The following ZBTB20 variants were observed in gnomAD, a reference collection of about 807,000 sequenced individuals.
ZBTB20 encodes the protein zinc finger and BTB domain-containing protein 20.
ZBTB20 carries 9 observed loss-of-function variants against 56.9 expected under a neutral mutation model. The ratio of observed to expected loss-of-function variants is 0.16; its 90% CI spans 0.10 to 0.28. The LOEUF (loss-of-function observed/expected upper bound fraction) is 0.28. Ranked by LOEUF, ZBTB20 falls within the 10% of genes least tolerant of loss-of-function variation. ZBTB20 has a pLI of 1.00. For missense variants in ZBTB20, 655 were observed against 1,003.0 expected, an observed-to-expected ratio of 0.65 and a Z score of 4.69; for synonymous variants, 417 against 420.7, an observed-to-expected ratio of 0.99 and a Z score of 0.11.
At chr3:114,951,091 G>A (rs2077050983) in intron 3 of ZBTB20, among the ~76,000 whole-genome samples, 4 of 151,958 alleles carry the variant, frequency 2.6e-5, no homozygotes, top group African/African-American at 9.7e-5. Flanking sequence ...TATTGGTCTG[G>A]TGCTGCTTAC....
At chr3:114,418,463 A>C (rs902434031) in intron 7 of ZBTB20, among the ~76,000 whole-genome samples, 1 of 152,026 alleles carries the variant, frequency 6.6e-6, no homozygotes, top group Non-Finnish European at 1.5e-5. Flanking sequence ...CTTACACACA[A>C]TAGGCTCTCA....
intron 5 of ZBTB20, among the ~76,000 whole-genome samples, chr3:114,792,882 T>C (rs1011697522): frequency 6.7e-6 from 1 of 149,560 alleles, no homozygotes; most frequent in African/African-American, 2.4e-5. Flanking sequence ...TTTTCTTTTT[T>C]TTTTTTTTTT....
intron 7 of ZBTB20, among the ~76,000 whole-genome samples, chr3:114,414,744 A>T (rs1171502692): frequency 1.4e-5 from 2 of 147,872 alleles, no homozygotes; most frequent in African/African-American, 2.4e-5. Context: ...ATAATTATAA[A>T]ATATATAAAA....
intron 1 of ZBTB20, among the ~76,000 whole-genome samples, chr3:115,146,919 C>T (rs1380216869): frequency 1.3e-5 from 2 of 151,562 alleles, no homozygotes; most frequent in Non-Finnish European, 3.0e-5. Context: ...CCCGCGCCTC[C>T]CTCCCACCTC....
intron 5 of ZBTB20, among the ~76,000 whole-genome samples, chr3:114,800,225 A>G (rs2071614089): frequency 6.6e-6 from 1 of 151,976 alleles, no homozygotes; most frequent in Non-Finnish European, 1.5e-5. Flanking sequence ...CTTTCCTTGT[A>G]GTATTTCACA....
At chr3:114,712,840 T>C (rs910040750) in intron 5 of ZBTB20, among the ~76,000 whole-genome samples, 5 of 152,164 alleles carry the variant, frequency 3.3e-5, no homozygotes, top group Non-Finnish European at 7.4e-5. Context: ...ATCATGGTTA[T>C]AGTACTAATT....
chr3:114,569,858 T>G (rs1274508462), intron 6 of ZBTB20, among the ~76,000 whole-genome samples: 1 of 151,880 alleles, frequency 6.6e-6, no homozygotes, highest in Non-Finnish European at 1.5e-5. Context: ...TTTATTATTC[T>G]TGTCCATTCT....
At chr3:114,794,762 T>C (rs898493840) in intron 5 of ZBTB20, among the ~76,000 whole-genome samples, 7 of 152,066 alleles carry the variant, frequency 4.6e-5, no homozygotes, top group African/African-American at 1.7e-4. Flanking sequence ...ATGTTATTAA[T>C]GCATCATACT....
chr3:114,662,755 TG>T (rs2060814422), intron 6 of ZBTB20, among the ~76,000 whole-genome samples: 1 of 151,610 alleles, frequency 6.6e-6, no homozygotes, highest in Admixed American at 6.6e-5. Context: ...TGGGGTTGTT[TG>T]TTTTTTTCTT....
intron 6 of ZBTB20, chr3:114,599,383 T>C (rs1349987472): frequency 1.3e-5 from 2 of 152,256 alleles, no homozygotes; most frequent in Admixed American, 1.3e-4. Context: ...AAAGGTGATA[T>C]ACTTGGTGTG....
rs916465957 is a variant in ZBTB20, at chr3:114,471,594, A to G, written c.-255+28758T>C. On this transcript the variant is annotated intron_variant, in intron 7 of 11. Transcript: ENST00000675478. The stretch of plus-strand genomic sequence containing the variant: ...CATGTCACATTGAAAGTACAGCTAC[A>G]TCAGGGAGGTGGAGCGACTGAGAGA... 5.9e-5 allele frequency among the ~76,000 whole-genome samples: 9 copies of G among 152,314 alleles called. No individual in the cohort carries two copies. In the South Asian group the frequency reaches 6.2e-4, roughly 11 times the overall value.
At chr3:114,586,996 T>A (rs913430728) in intron 6 of ZBTB20, among the ~76,000 whole-genome samples, 1 of 137,898 alleles carries the variant, frequency 7.3e-6, no homozygotes, top group African/African-American at 2.7e-5. Flanking sequence ...TCCCTTTTTT[T>A]TTTTTTTTTT....
At chr3:114,531,130 TA>T (rs1281943465) in intron 6 of ZBTB20, among the ~76,000 whole-genome samples, 1 of 152,202 alleles carries the variant, frequency 6.6e-6, no homozygotes, top group African/African-American at 2.4e-5. Context: ...TAAGAAAATC[TA>T]AATATTTTGT....
chr3:114,789,816 G>C (rs1429190749), intron 5 of ZBTB20, among the ~76,000 whole-genome samples: 2 of 152,140 alleles, frequency 1.3e-5, no homozygotes, highest in African/African-American at 2.4e-5. Flanking sequence ...GAGGTGAGAA[G>C]AAGATAAACA....
chr3:115,098,688 T>C (rs1382316091), intron 1 of ZBTB20, among the ~76,000 whole-genome samples: 1 of 152,178 alleles, frequency 6.6e-6, no homozygotes. Flanking sequence ...CAAAAGTTCA[T>C]CACCTTCCTG....
chr3:115,091,805 T>A (rs2083204867), intron 1 of ZBTB20, among the ~76,000 whole-genome samples: 1 of 151,950 alleles, frequency 6.6e-6, no homozygotes, highest in Admixed American at 6.6e-5. Context: ...AGCTCTGTGC[T>A]GAATGCCAAT....
At chr3:114,582,521 A>C (rs954519427) in intron 6 of ZBTB20, among the ~76,000 whole-genome samples, 4 of 151,902 alleles carry the variant, frequency 2.6e-5, no homozygotes, top group African/African-American at 9.7e-5. Flanking sequence ...AGTAGCTTAC[A>C]GGCACGTGCC....
intron 6 of ZBTB20, among the ~76,000 whole-genome samples, chr3:114,502,266 A>C: frequency 6.6e-6 from 1 of 152,224 alleles, no homozygotes; most frequent in East Asian, 1.9e-4. Context: ...GAAGGACCTG[A>C]TTAAGTATCT....
intron 6 of ZBTB20, among the ~76,000 whole-genome samples, chr3:114,626,669 T>C (rs567458690): frequency 6.6e-6 from 1 of 152,178 alleles, no homozygotes; most frequent in African/African-American, 2.4e-5. Context: ...ATCCTTGAAT[T>C]TGGGTATCTA....
Sources: gnomAD v4.1 joint callset for allele counts (sites outside exome capture counted in the v4.1 genomes callset) on GRCh38, gnomAD v4.1.1 for gene constraint, MANE v1.5 for transcripts, NCBI Gene and HGNC (gene_info 2026-07-23, HGNC 2026-07-21) for gene names.